PCDH18: variants seen among roughly 807,000 people sequenced by gnomAD.
The protein encoded by PCDH18 is protocadherin 18.
PCDH18 carries 38 observed loss-of-function variants against 71.5 expected under a neutral mutation model. The observed-to-expected ratio is 0.53, with a 90% CI of 0.41 to 0.70. The LOEUF (loss-of-function observed/expected upper bound fraction) is 0.70, where lower values mean the gene tolerates loss of function less well. Ranked by LOEUF, PCDH18 falls within the 30% of genes least tolerant of loss-of-function variation. The pLI, the probability that PCDH18 is intolerant of heterozygous loss-of-function variation, is 0.00. For synonymous variants in PCDH18, 565 were observed against 505.4 expected, an observed-to-expected ratio of 1.12 and a Z score of -1.58; for missense variants, 1,334 against 1,384.6, an observed-to-expected ratio of 0.96 and a Z score of 0.58.
Position 137,532,301 on chromosome 4 carries a change from G to T in PCDH18, c.-213C>A, listed in dbSNP as rs1209312388. On this transcript the variant is annotated 5_prime_UTR_variant, in exon 1 of 4. Transcript: ENST00000344876. ...CTTCGGCATGGAGTCCAGTCCTTGC[G>T]TTTGTTTGGTCGTTCGTCCTCTTTC... 1.4e-6 allele frequency: 1 copy of T among 702,998 alleles called. No homozygotes were observed. The highest frequency in any genetic ancestry group is 1.5e-5 in the South Asian group (1 of 67,690). The allele number at this position is 702,998 out of a possible 1,614,324, so 43.5% of individuals were successfully genotyped here.
At chr4:137,522,690 T>C (rs1424391360) in intron 3 of PCDH18, among the ~76,000 whole-genome samples, 1 of 152,186 alleles carries the variant, frequency 6.6e-6, no homozygotes, top group Non-Finnish European at 1.5e-5. Context: ...TTACTAGCTA[T>C]ACTTATATAT....
Position 137,530,273 on chromosome 4 carries a change from T to C in PCDH18, c.1816A>G (p.Ile606Val), listed in dbSNP as rs1350949067. The C allele has an allele frequency of 3.1e-6, 5 of 1,613,974 alleles. No homozygotes were observed. The African/African-American group carries it at 4.0e-5, about 13-fold the overall frequency. Residue 606 changes from isoleucine to valine, a missense_variant, in exon 1 of 4, where the codon ATT becomes GTT. Ile to Val is a conservative substitution (Grantham distance 29). Around this residue, in one of 3 missense-constraint regions of PCDH18, gnomAD observed 1,011 missense variants for 1,048.0 expected, o/e 0.96. Coordinates refer to ENST00000344876, the MANE Select transcript of PCDH18 (RefSeq NM_019035.5). Reference sequence around the variant, plus strand: ...GCATTCACACCAGAGTCTCTGTCAATTGCCCTTATTCTTGTGACATGAAAG... The same window carrying C: ...GCATTCACACCAGAGTCTCTGTCAACTGCCCTTATTCTTGTGACATGAAAG... Reference protein sequence around the residue: ...SGFHVTRIRAIDRDSGVNAEL... With the variant: ...SGFHVTRIRAVDRDSGVNAEL...
intron 3 of PCDH18, among the ~76,000 whole-genome samples, chr4:137,527,749 C>A (rs966131878): frequency 6.6e-6 from 1 of 152,086 alleles, no homozygotes; most frequent in Non-Finnish European, 1.5e-5. Flanking sequence ...AGTGGGGCTG[C>A]TAGGATAATA....
At chr4:137,522,667 G>T (rs1458520307) in intron 3 of PCDH18, among the ~76,000 whole-genome samples, 1 of 152,162 alleles carries the variant, frequency 6.6e-6, no homozygotes, top group African/African-American at 2.4e-5. Context: ...AGATTTAAAA[G>T]AACATTAGGT....
Position 137,531,856 on chromosome 4 carries a change from A to G in PCDH18, c.233T>C (p.Val78Ala), listed in dbSNP as rs1217875479. ...AMQRGNSPLLVVNEDNGEISI... is the reference protein window; with the variant it reads ...AMQRGNSPLLAVNEDNGEISI... ...GATTTCCCCATTATCCTCGTTTACT[A>G]CAAGTAGAGGAGAATTTCCCCTCTG... is the stretch of plus-strand genomic sequence containing the variant. Residue 78 changes from valine (V) to alanine (A), a missense_variant, in exon 1 of 4, where the codon GTA becomes GCA. This residue lies in a region of PCDH18 where 1,011 missense variants were observed against 1,048.0 expected (regional missense o/e 0.96). Transcript: ENST00000344876. The G allele has an allele frequency of 6.2e-7, 1 of 1,614,012 alleles. No homozygotes were observed. The highest frequency in any genetic ancestry group is 1.7e-5 in the Admixed American group (1 of 60,004).
intron 3 of PCDH18, among the ~76,000 whole-genome samples, chr4:137,527,190 C>T (rs919825382): frequency 6.6e-6 from 1 of 152,008 alleles, no homozygotes; most frequent in Non-Finnish European, 1.5e-5. Context: ...TCACAGTGGT[C>T]CTTTGGTATC....
chr4:137,530,350 G>T lies in PCDH18; in HGVS notation c.1739C>A (p.Ala580Glu). 6.2e-7 allele frequency: 1 copy of T among 1,613,906 alleles called. No homozygotes were observed. The highest frequency in any genetic ancestry group is 8.5e-7 in the Non-Finnish European group (1 of 1,179,844). Residue 580 changes from alanine (A) to glutamate (E), a missense_variant, in exon 1 of 4, where the codon GCA becomes GAA. Coordinates refer to ENST00000344876, the MANE Select transcript of PCDH18 (RefSeq NM_019035.5). ...GATTTCTGCCGTATTATTACGCAAT[G>T]CAGGCCCTATAACCACAGGAACGTT... ...NDNVPVVIGP[A>E]LRNNTAEITI...
In PCDH18 at chr4:137,532,045, G is replaced by A. The variant is rs756536287; in HGVS notation, c.44C>T (p.Ala15Val). The A allele has an allele frequency of 5.6e-6, 9 of 1,611,932 alleles. No individual in the cohort carries two copies. The African/African-American group carries it at 9.4e-5, about 17-fold the overall frequency. ...GTGGTTGAAAGATACTATCAGAAGTGCAAAAACAAACCTAAAGTGCATTTT... is the reference window on the plus strand; with the variant it reads ...GTGGTTGAAAGATACTATCAGAAGTACAAAAACAAACCTAAAGTGCATTTT... ...NAKMHFRFVF[A>V]LLIVSFNHDV... Residue 15 changes from alanine (A) to valine (V), a missense_variant, in exon 1 of 4, where the codon GCA becomes GTA. This residue lies in a region of PCDH18 where 1,011 missense variants were observed against 1,048.0 expected (regional missense o/e 0.96). Transcript: ENST00000344876.
Position 137,532,162 on chromosome 4 carries a change from C to T in PCDH18, c.-74G>A, listed in dbSNP as rs1299442011. The stretch of plus-strand genomic sequence containing the variant: ...CAATTGCCTCAACTTCCTTTGGCAA[C>T]GTAAAGCTACATTTGGTACTTGAAA... On this transcript the variant is annotated 5_prime_UTR_variant, in exon 1 of 4. Transcript: ENST00000344876. 8 of 1,144,686 alleles carry T rather than the reference C, an allele frequency of 7.0e-6. No individual in the cohort carries two copies. In the East Asian group the frequency reaches 1.4e-4, roughly 20 times the overall value. 70.9% of individuals were successfully genotyped at this position (1,144,686 alleles called of 1,614,324 possible). A position where few individuals can be genotyped will look rare whatever the true frequency, so the allele number is the denominator to read the frequency against.
In PCDH18 at chr4:137,530,343, A is replaced by G. The variant is rs1731632860; in HGVS notation, c.1746T>C (p.Arg582=). 1 of 1,613,650 alleles carries G rather than the reference A, an allele frequency of 6.2e-7. No individual in the cohort carries two copies. The highest frequency in any genetic ancestry group is 8.5e-7 in the Non-Finnish European group (1 of 1,179,644). Residue 582 remains arginine (R), a synonymous_variant, in exon 1 of 4, where the codon CGT becomes CGC. Coordinates refer to ENST00000344876, the MANE Select transcript of PCDH18 (RefSeq NM_019035.5). ...GAATGGTGATTTCTGCCGTATTATT[A>G]CGCAATGCAGGCCCTATAACCACAG... ...NVPVVIGPAL[R]NNTAEITIPK... is the part of the protein sequence containing the mutation.
In PCDH18 at chr4:137,531,418, G is replaced by A. The variant is rs1255094140; in HGVS notation, c.671C>T (p.Pro224Leu). 1 of 1,613,018 alleles carries A rather than the reference G, an allele frequency of 6.2e-7. No homozygotes were observed. ...LQLTASDMGVPQRSGSSILKI... is the reference protein window; with the variant it reads ...LQLTASDMGVLQRSGSSILKI... ...TAGTATGGATGAGCCAGACCTCTGA[G>A]GTACTCCCATGTCTGAGGCAGTGAG... Residue 224 changes from proline to leucine, a missense_variant, in exon 1 of 4, where the codon CCT becomes CTT. By Grantham distance (98) the Pro-to-Leu change is moderately conservative. Coordinates refer to ENST00000344876, the MANE Select transcript of PCDH18 (RefSeq NM_019035.5).
chr4:137,524,505 G>A (rs1224703131), intron 3 of PCDH18, among the ~76,000 whole-genome samples: 1 of 152,110 alleles, frequency 6.6e-6, no homozygotes, highest in Non-Finnish European at 1.5e-5. Flanking sequence ...AAAAAGAGTG[G>A]AGGTGGAAGC....
intron 3 of PCDH18, among the ~76,000 whole-genome samples, chr4:137,526,737 T>C (rs568517828): frequency 2.0e-5 from 3 of 152,078 alleles, no homozygotes; most frequent in African/African-American, 7.2e-5. Flanking sequence ...ATAATCAACA[T>C]TTAATAGTTA....
chr4:137,528,873 A>C, intron 1 of PCDH18, 53 bp from the exon 2 acceptor site: 39 of 1,193,792 alleles, frequency 3.3e-5, no homozygotes, highest in Non-Finnish European at 4.4e-5. Flanking sequence ...CCAAACACTC[A>C]CAATCTTTAA....
At chr4:137,529,333 G>A (rs967453239) in intron 1 of PCDH18, 6 of 339,808 alleles carry the variant, frequency 1.8e-5, no homozygotes, top group African/African-American at 1.3e-4. Flanking sequence ...GGGAAGCAAG[G>A]GGACTCTAAT....
At position 137,532,332 on chromosome 4, in the gene PCDH18, A is replaced by C. The variant is rs1252584061; in HGVS notation, c.-244T>G. The C allele has an allele frequency of 7.1e-6, 5 of 702,526 alleles. No individual in the cohort carries two copies. Among genetic ancestry groups the C allele is most frequent in the Non-Finnish European group, 1.3e-5 (5 of 385,016 alleles). 43.5% of individuals were successfully genotyped at this position (702,526 alleles called of 1,614,324 possible). A position where few individuals can be genotyped will look rare whatever the true frequency, so the allele number is the denominator to read the frequency against. ...TTGGTCGTTCGTCCTCTTTCCAGGC[A>C]GGAGAGTGTCACCTCCGCGTTTTCT... On this transcript the variant is annotated 5_prime_UTR_variant, in exon 1 of 4. Coordinates refer to ENST00000344876, the MANE Select transcript of PCDH18 (RefSeq NM_019035.5).
rs1731237767 is a variant in PCDH18 at position 137,519,780 on chromosome 4, A to G, written c.*1249T>C. On this transcript the variant is annotated 3_prime_UTR_variant, in exon 4 of 4. Coordinates refer to ENST00000344876, the MANE Select transcript of PCDH18 (RefSeq NM_019035.5). ...ACAATCAAGATAGTGTATTATTAGAAATAACATTAATAGAAGCTTGGTCAG... is the reference window on the plus strand; with the variant it reads ...ACAATCAAGATAGTGTATTATTAGAGATAACATTAATAGAAGCTTGGTCAG... The G allele has an allele frequency of 6.6e-6, 1 of 152,556 alleles. No individual in the cohort carries two copies. The highest frequency in any genetic ancestry group is 2.1e-4 in the South Asian group (1 of 4,836). 9.5% of individuals were successfully genotyped at this position (152,556 alleles called of 1,614,324 possible). A position where few individuals can be genotyped will look rare whatever the true frequency, so the allele number is the denominator to read the frequency against.
At position 137,521,387 on chromosome 4, in the gene PCDH18, G is replaced by C. The variant is rs1731294405; in HGVS notation, c.3050C>G (p.Pro1017Arg). The change falls in exon 4 of 4, where the codon CCG becomes CGG. Residue 1017 changes from proline to arginine, a missense_variant. Pro to Arg is a moderately radical substitution (Grantham distance 103, BLOSUM62 -2). Coordinates refer to ENST00000344876, the MANE Select transcript of PCDH18 (RefSeq NM_019035.5). ...TTCAGAATAGGTGTCCAGGGAAGGC[G>C]GTAAGAGACGCTGGAACACACTGCT... ...EMSSVFQRLL[P>R]PSLDTYSECS... 1.9e-6 allele frequency: 3 copies of C among 1,614,050 alleles called. No homozygotes were observed. Among genetic ancestry groups the C allele is most frequent in the Non-Finnish European group, 1.7e-6 (2 of 1,180,008 alleles).
Position 137,528,549 on chromosome 4 carries a change from T to G in PCDH18, c.2669A>C (p.Asp890Ala). The G allele has an allele frequency of 6.2e-7, 1 of 1,613,936 alleles. No individual in the cohort carries two copies. The highest frequency in any genetic ancestry group is 1.3e-5 in the African/African-American group (1 of 75,008). ...ACCCAACAGCCTATCTATTGGAGAA[T>G]CTCGCCCCAAATCATAATCACTGTC... Reference protein sequence around the residue: ...AGDSDYDLGRDSPIDRLLGEG... With the variant: ...AGDSDYDLGRASPIDRLLGEG... Residue 890 changes from aspartate to alanine, a missense_variant, in exon 3 of 4, where the codon GAT becomes GCT. Around this residue, in one of 3 missense-constraint regions of PCDH18, gnomAD observed 319 missense variants for 316.3 expected, o/e 1.01. Coordinates refer to ENST00000344876, the MANE Select transcript of PCDH18 (RefSeq NM_019035.5).
Sources: gnomAD v4.1 joint callset for allele counts (sites outside exome capture counted in the v4.1 genomes callset) on GRCh38, gnomAD v4.1.1 for gene constraint, gnomAD v4.1.1 regional missense constraint, MANE v1.5 for transcripts, NCBI Gene and HGNC (gene_info 2026-07-23, HGNC 2026-07-21) for gene names.